CADM1: variants seen among roughly 807,000 people sequenced by gnomAD.
CADM1 encodes TSLC-1.
Under a neutral mutation model 53.1 loss-of-function variants are expected in CADM1, and 15 were observed. That is an observed-to-expected ratio of 0.28 (90% CI 0.19 to 0.44). CADM1 has a LOEUF of 0.44. Among genes scored for constraint, CADM1 ranks in the 20% least tolerant of loss-of-function variants. The pLI, the probability that CADM1 is intolerant of heterozygous loss-of-function variation, is 1.00. For synonymous variants in CADM1, 281 were observed against 243.0 expected (o/e 1.16, Z -1.45); for missense variants, 434 against 611.3 (o/e 0.71, Z 3.06).
chr11:115,392,419 C>T (rs1258076357), intron 1 of CADM1, among the ~76,000 whole-genome samples: 1 of 151,814 alleles, frequency 6.6e-6, no homozygotes, highest in African/African-American at 2.4e-5. Context: ...TATAATAGGA[C>T]ATATAAAGGC....
At chr11:115,483,755 C>T (rs1276102908) in intron 1 of CADM1, among the ~76,000 whole-genome samples, 4 of 152,080 alleles carry the variant, frequency 2.6e-5, no homozygotes, top group South Asian at 2.1e-4. Context: ...ATATGGTAGC[C>T]GATAAACACA....
At chr11:115,373,849 A>G (rs962281136) in intron 1 of CADM1, among the ~76,000 whole-genome samples, 16 of 152,320 alleles carry the variant, frequency 1.1e-4, no homozygotes, top group Admixed American at 8.5e-4. Flanking sequence ...AGAATCTCCA[A>G]TGCTGGTGTC....
intron 1 of CADM1, among the ~76,000 whole-genome samples, chr11:115,407,385 C>T (rs1947342412): frequency 6.6e-6 from 1 of 152,166 alleles, no homozygotes; most frequent in African/African-American, 2.4e-5. Flanking sequence ...AATCTACCAT[C>T]ACCATAAGGA....
At chr11:115,344,097 C>T (rs977322161) in intron 1 of CADM1, among the ~76,000 whole-genome samples, 42 of 152,152 alleles carry the variant, frequency 2.8e-4, no homozygotes, top group African/African-American at 1.0e-3. Flanking sequence ...CAATTCACTT[C>T]TGGTCTCCTT....
At chr11:115,217,147 T>C (rs962925755) in intron 6 of CADM1, among the ~76,000 whole-genome samples, 4 of 152,138 alleles carry the variant, frequency 2.6e-5, no homozygotes, top group African/African-American at 9.7e-5. Context: ...TAAAGAAGTG[T>C]CCCCTGCCCA....
chr11:115,420,159 C>A (rs1342470091), intron 1 of CADM1, among the ~76,000 whole-genome samples: 1 of 152,178 alleles, frequency 6.6e-6, no homozygotes, highest in African/African-American at 2.4e-5. Context: ...TCCTTAAGCT[C>A]CTCTGAAACA....
chr11:115,174,618 A>T lies in CADM1; in HGVS notation c.*1856T>A, dbSNP rs1938934983. 1.0e-6 allele frequency: 1 copy of T among 984,398 alleles called. No homozygotes were observed. The highest frequency in any genetic ancestry group is 4.7e-5 in the South Asian group (1 of 21,264). The allele number at this position is 984,398 out of a possible 1,614,324, so 61.0% of individuals were successfully genotyped here. On this transcript the variant is annotated 3_prime_UTR_variant, in exon 12 of 12. Coordinates refer to ENST00000331581, the MANE Select transcript of CADM1 (RefSeq NM_001301043.2). ...GACAAGAAAAATAAACATGTTTTCAAATAACAAAGAGTTGACACTTTTTCC... is the reference window on the plus strand; with the variant it reads ...GACAAGAAAAATAAACATGTTTTCATATAACAAAGAGTTGACACTTTTTCC...
chr11:115,391,404 A>G (rs1475978010), intron 1 of CADM1, among the ~76,000 whole-genome samples: 1 of 152,232 alleles, frequency 6.6e-6, no homozygotes, highest in African/African-American at 2.4e-5. Flanking sequence ...TTCCATTCTA[A>G]AATGTGAATG....
At chr11:115,425,000 G>A (rs1433340192) in intron 1 of CADM1, among the ~76,000 whole-genome samples, 2 of 152,086 alleles carry the variant, frequency 1.3e-5, no homozygotes, top group Non-Finnish European at 2.9e-5. Context: ...TCATGACAAT[G>A]CACCCCGATT....
chr11:115,310,439 A>C (rs1463593921), intron 1 of CADM1, among the ~76,000 whole-genome samples: 1 of 152,138 alleles, frequency 6.6e-6, no homozygotes, highest in Non-Finnish European at 1.5e-5. Context: ...TGTATCTAGC[A>C]GCACCCCCCA....
chr11:115,335,770 A>G (rs1945251712), intron 1 of CADM1, among the ~76,000 whole-genome samples: 1 of 152,174 alleles, frequency 6.6e-6, no homozygotes, highest in Non-Finnish European at 1.5e-5. Context: ...ATTATTCAGT[A>G]TCAAAAAAGT....
intron 1 of CADM1, among the ~76,000 whole-genome samples, chr11:115,312,229 C>T (rs910238488): frequency 1.3e-5 from 2 of 152,110 alleles, no homozygotes; most frequent in East Asian, 1.9e-4. Context: ...TGCTCCAATG[C>T]CGCTTTATTT....
chr11:115,195,775 C>T (rs4938187), intron 9 of CADM1, among the ~76,000 whole-genome samples: 22 of 152,100 alleles, frequency 1.4e-4, no homozygotes, highest in Non-Finnish European at 2.2e-4. Flanking sequence ...AGTTTTTCCC[C>T]GACATCAAGC....
rs972096600 is a variant in CADM1 at position 115,259,276 on chromosome 11, G to A, written c.125-18856C>T. 3.1e-4 allele frequency among the ~76,000 whole-genome samples: 40 copies of A among 129,218 alleles called. 2 individuals carry two copies. The highest frequency in any genetic ancestry group is 6.7e-3 in the Middle Eastern group (1 of 150). The allele number at this position is 129,218 out of a possible 152,430, so 84.8% of individuals were successfully genotyped here. ...GCTGGAATTACAGGCGTGCGCCACC[G>A]CACCCAGTCTTAACTTTTTTTTTTT... On this transcript the variant is annotated intron_variant, in intron 1 of 11. Coordinates refer to ENST00000331581, the MANE Select transcript of CADM1 (RefSeq NM_001301043.2).
At chr11:115,429,067 C>T (rs752072243) in intron 1 of CADM1, among the ~76,000 whole-genome samples, 13 of 152,116 alleles carry the variant, frequency 8.5e-5, no homozygotes, top group Middle Eastern at 3.2e-3. Flanking sequence ...GAAAGGATGA[C>T]GAGCTGTCAC....
intron 1 of CADM1, among the ~76,000 whole-genome samples, chr11:115,460,586 C>G (rs951220381): frequency 6.6e-6 from 1 of 152,150 alleles, no homozygotes. Context: ...AATAATGGAA[C>G]TAGAAATGAT....
At chr11:115,263,881 CAA>C (rs1433386197) in intron 1 of CADM1, among the ~76,000 whole-genome samples, 1 of 152,060 alleles carries the variant, frequency 6.6e-6, no homozygotes, top group Non-Finnish European at 1.5e-5. Context: ...TACGTTGTTT[CAA>C]AATAAGAACA....
chr11:115,491,141 G>A (rs1949487672), intron 1 of CADM1, among the ~76,000 whole-genome samples: 2 of 152,098 alleles, frequency 1.3e-5, no homozygotes, highest in African/African-American at 4.8e-5. Context: ...CCAACTTATT[G>A]GATAAGGAGA....
intron 1 of CADM1, among the ~76,000 whole-genome samples, chr11:115,275,408 T>TC (rs1479601585): frequency 6.6e-6 from 1 of 152,096 alleles, no homozygotes; most frequent in Non-Finnish European, 1.5e-5. Flanking sequence ...ACACATAAAC[T>TC]CGTAACATGC....
Sources: allele counts gnomAD v4.1 joint callset (sites outside exome capture counted in the v4.1 genomes callset), GRCh38; gene constraint gnomAD v4.1.1; transcripts MANE v1.5; gene names NCBI Gene and HGNC (gene_info 2026-07-23, HGNC 2026-07-21).